RPTOR: variants seen among roughly 807,000 people sequenced by gnomAD.
The protein encoded by RPTOR is regulatory-associated protein of mTOR.
A neutral mutation model predicts 169.9 loss-of-function variants in RPTOR; 21 were observed. The observed-to-expected ratio is 0.12, with a 90% CI of 0.09 to 0.18. The LOEUF is 0.18. RPTOR is among the 10% of genes least tolerant of loss of function. RPTOR has a pLI of 1.00. For synonymous variants in RPTOR, 732 were observed against 753.2 expected (o/e 0.97, Z 0.46); for missense variants, 1,133 against 1,855.9 (o/e 0.61, Z 7.16).
intron 13 of RPTOR, among the ~76,000 whole-genome samples, chr17:80,867,290 A>C (rs1296575318): frequency 6.6e-6 from 1 of 152,144 alleles, no homozygotes; most frequent in African/African-American, 2.4e-5. Flanking sequence ...TTAAAAAAAG[A>C]TGAAAACCAT....
chr17:80,595,340 G>T (rs2065137086), intron 1 of RPTOR, among the ~76,000 whole-genome samples: 1 of 152,192 alleles, frequency 6.6e-6, no homozygotes, highest in South Asian at 2.1e-4. Context: ...GCAGATAGAA[G>T]TCTTGAAGCC....
intron 1 of RPTOR, among the ~76,000 whole-genome samples, chr17:80,578,707 G>C (rs1291484815): frequency 6.6e-6 from 1 of 152,186 alleles, no homozygotes; most frequent in African/African-American, 2.4e-5. Flanking sequence ...CTAGGGCTGG[G>C]GGAACAAATA....
intron 3 of RPTOR, among the ~76,000 whole-genome samples, chr17:80,664,222 G>A (rs2065746304): frequency 6.6e-6 from 1 of 152,154 alleles, no homozygotes; most frequent in African/African-American, 2.4e-5. Flanking sequence ...CTCCTGAAAT[G>A]TGCTGTGAGG....
intron 3 of RPTOR, among the ~76,000 whole-genome samples, chr17:80,683,455 G>A (rs897729648): frequency 2.0e-5 from 3 of 152,098 alleles, no homozygotes; most frequent in Non-Finnish European, 2.9e-5. Context: ...ACATTTCTCC[G>A]CTGCGGAGTT....
intron 2 of RPTOR, 92 bp from the exon 3 acceptor site, chr17:80,643,636 G>T: frequency 1.1e-6 from 1 of 877,622 alleles, no homozygotes; most frequent in Non-Finnish European, 1.8e-6. Context: ...TGACTTTGAA[G>T]TGTGTTATAT....
At chr17:80,570,868 A>G (rs2064898166) in intron 1 of RPTOR, among the ~76,000 whole-genome samples, 1 of 152,238 alleles carries the variant, frequency 6.6e-6, no homozygotes, top group Non-Finnish European at 1.5e-5. Context: ...ACTTACACAC[A>G]GCATTAATAT....
chr17:80,942,098 A>G (rs1432806335), intron 25 of RPTOR: 1 of 152,200 alleles, frequency 6.6e-6, no homozygotes, highest in Non-Finnish European at 1.5e-5. Context: ...CCTTGCAGCC[A>G]GGGTGGCTTT....
chr17:80,707,681 G>C lies in RPTOR; in HGVS notation c.349-160G>C, dbSNP rs565840820. Among the ~76,000 whole-genome samples the C allele has an allele frequency of 6.6e-6, 1 of 152,180 alleles. No homozygotes were observed. Among genetic ancestry groups the C allele is most frequent in the Admixed American group, 6.5e-5 (1 of 15,292 alleles). ...TGCTGGGATTTTCGGCATGAGCCAG[G>C]GTGCCTGGCATTACCTGGTTTTATA... On this transcript the variant is annotated intron_variant, in intron 3 of 33. Coordinates refer to ENST00000306801, the MANE Select transcript of RPTOR (RefSeq NM_020761.3). The surrounding 1 kb of genome is among the most constrained non-coding windows in gnomAD (Gnocchi z 5.0).
chr17:80,923,738 T>C (rs543947203), intron 23 of RPTOR, 65 bp downstream of exon 23: 8 of 1,467,056 alleles, frequency 5.5e-6, no homozygotes, highest in Middle Eastern at 1.8e-4. Context: ...TGGGGGCTCA[T>C]GGCCTCAGCC....
intron 1 of RPTOR, among the ~76,000 whole-genome samples, chr17:80,612,532 T>C (rs563990104): frequency 6.6e-6 from 1 of 152,396 alleles, no homozygotes; most frequent in African/African-American, 2.4e-5. Flanking sequence ...CAGTGTCGAA[T>C]TATCTGAAGC....
chr17:80,818,363 T>TTCACCC (rs2067345055), intron 7 of RPTOR, among the ~76,000 whole-genome samples: 1 of 152,144 alleles, frequency 6.6e-6, no homozygotes. Flanking sequence ...CCTTTGAGGG[T>TTCACCC]TCAGAGAAAC....
chr17:80,850,915 T>C (rs927843068), intron 11 of RPTOR, among the ~76,000 whole-genome samples: 1 of 152,208 alleles, frequency 6.6e-6, no homozygotes, highest in East Asian at 1.9e-4. Context: ...ACTCTCTTCA[T>C]ATACAAGGCA....
At chr17:80,597,941 AC>A (rs1394358482) in intron 1 of RPTOR, among the ~76,000 whole-genome samples, 1 of 152,116 alleles carries the variant, frequency 6.6e-6, no homozygotes, top group African/African-American at 2.4e-5. Flanking sequence ...GCAGTTCAAG[AC>A]CAGCCTGGGC....
intron 18 of RPTOR, among the ~76,000 whole-genome samples, chr17:80,892,428 C>T (rs973397022): frequency 1.3e-5 from 2 of 152,238 alleles, no homozygotes; most frequent in Non-Finnish European, 2.9e-5. Flanking sequence ...GCACGGCTCA[C>T]GGCCCACGTC....
intron 7 of RPTOR, among the ~76,000 whole-genome samples, chr17:80,800,282 T>G (rs2067144030): frequency 6.6e-6 from 1 of 152,200 alleles, no homozygotes; most frequent in African/African-American, 2.4e-5. Flanking sequence ...TGGGGAGGTT[T>G]CGTTCCTCAG....
At chr17:80,758,136 G>A (rs2066699720) in intron 6 of RPTOR, among the ~76,000 whole-genome samples, 1 of 152,160 alleles carries the variant, frequency 6.6e-6, no homozygotes, top group Non-Finnish European at 1.5e-5. Flanking sequence ...GATAAGATGT[G>A]GCTTGAAAAT....
intron 9 of RPTOR, among the ~76,000 whole-genome samples, chr17:80,829,277 C>G (rs531668758): frequency 3.8e-4 from 58 of 152,206 alleles, no homozygotes; most frequent in African/African-American, 1.3e-3. Flanking sequence ...AAGAGGCAGG[C>G]GTGGGGGCTT....
rs2084262290 is a variant in RPTOR at position 80,545,432 on chromosome 17, C to T, written c.-198C>T. On this transcript the variant is annotated 5_prime_UTR_variant, in exon 1 of 34. Coordinates refer to ENST00000306801, the MANE Select transcript of RPTOR (RefSeq NM_020761.3). ...TGCCCCATTTCCTAGCGGCCCCCAC[C>T]TCCCCACTTCCCGCTCAGAGTTAGA... 2 of 468,980 alleles carry T rather than the reference C, an allele frequency of 4.3e-6. No individual in the cohort carries two copies. The highest frequency in any genetic ancestry group is 3.8e-5 in the Admixed American group (1 of 26,062). 29.1% of individuals were successfully genotyped at this position (468,980 alleles called of 1,614,324 possible). A position where few individuals can be genotyped will look rare whatever the true frequency, so the allele number is the denominator to read the frequency against.
At chr17:80,686,202 T>C (rs887008447) in intron 3 of RPTOR, among the ~76,000 whole-genome samples, 12 of 151,218 alleles carry the variant, frequency 7.9e-5, no homozygotes, top group Middle Eastern at 3.2e-3. Flanking sequence ...TTTTTTTTTT[T>C]TTGAGACAGA....
Sources: gnomAD v4.1 joint callset for allele counts (sites outside exome capture counted in the v4.1 genomes callset) on GRCh38, gnomAD v4.1.1 for gene constraint, Gnocchi (gnomAD v3.1) non-coding constraint, MANE v1.5 for transcripts, NCBI Gene and HGNC (gene_info 2026-07-23, HGNC 2026-07-21) for gene names.